PIP4K2A: variants seen among roughly 807,000 people sequenced by gnomAD.
PIP4K2A encodes the protein phosphatidylinositol 5-phosphate 4-kinase type-2 alpha.
In PIP4K2A, 14 loss-of-function variants were observed where a neutral mutation model predicts 42.9. That is an observed-to-expected ratio of 0.33 (90% CI 0.22 to 0.51). The LOEUF (loss-of-function observed/expected upper bound fraction) is 0.51, where lower values mean the gene tolerates loss of function less well. Among genes scored for constraint, PIP4K2A ranks in the 20% least tolerant of loss-of-function variants. The pLI, the probability that PIP4K2A is intolerant of heterozygous loss-of-function variation, is 0.97. For synonymous variants in PIP4K2A, 192 were observed against 192.2 expected (o/e 1.00, Z 0.01); for missense variants, 434 against 519.8 (o/e 0.83, Z 1.61).
intron 1 of PIP4K2A, among the ~76,000 whole-genome samples, chr10:22,619,097 G>C (rs1564445326): frequency 1.3e-5 from 2 of 151,806 alleles, no homozygotes; most frequent in Non-Finnish European, 1.5e-5. Flanking sequence ...TCACCAACTT[G>C]AGCACCAGCT....
intron 1 of PIP4K2A, among the ~76,000 whole-genome samples, chr10:22,673,809 C>G (rs771533695): frequency 6.6e-6 from 1 of 152,096 alleles, no homozygotes; most frequent in Non-Finnish European, 1.5e-5. Flanking sequence ...AAAAGGGATA[C>G]TATTTTTATT....
intron 4 of PIP4K2A, 75 bp from the exon 5 acceptor site, chr10:22,573,532 C>A: frequency 1.5e-6 from 2 of 1,296,186 alleles, no homozygotes; most frequent in Non-Finnish European, 2.1e-6. Context: ...AATACATACG[C>A]CTATGGTGTT....
chr10:22,625,014 A>G (rs762035614), intron 1 of PIP4K2A, among the ~76,000 whole-genome samples: 13 of 152,238 alleles, frequency 8.5e-5, no homozygotes, highest in South Asian at 2.1e-4. Flanking sequence ...TAAACTTCCA[A>G]TAAGTTTCAG....
At chr10:22,548,056 C>A (rs914438812) in intron 7 of PIP4K2A, among the ~76,000 whole-genome samples, 3 of 152,196 alleles carry the variant, frequency 2.0e-5, no homozygotes, top group Admixed American at 2.0e-4. Context: ...ATGGGTCAGT[C>A]AGCTAAATTA....
chr10:22,617,873 A>G (rs1289884883), intron 1 of PIP4K2A, among the ~76,000 whole-genome samples: 7 of 152,200 alleles, frequency 4.6e-5, no homozygotes, highest in African/African-American at 1.7e-4. Context: ...TTATCTCCCA[A>G]GATACATTTC....
intron 1 of PIP4K2A, among the ~76,000 whole-genome samples, chr10:22,679,712 T>C (rs1197033749): frequency 6.6e-6 from 1 of 152,130 alleles, no homozygotes; most frequent in African/African-American, 2.4e-5. Context: ...CACAATAGAA[T>C]ATGCCTTGAC....
chr10:22,570,210 T>C (rs994835427), intron 5 of PIP4K2A, among the ~76,000 whole-genome samples: 3 of 152,176 alleles, frequency 2.0e-5, no homozygotes, highest in African/African-American at 4.8e-5. Flanking sequence ...ACAATACATA[T>C]GTATCTTATT....
chr10:22,597,063 C>T (rs58919398), intron 3 of PIP4K2A, among the ~76,000 whole-genome samples: 226 of 152,352 alleles, frequency 1.5e-3, no homozygotes, highest in African/African-American at 5.0e-3. Context: ...ATATCAGTAA[C>T]AGCCACAGTG....
intron 1 of PIP4K2A, among the ~76,000 whole-genome samples, chr10:22,707,968 C>CA (rs1564473952): frequency 6.6e-6 from 1 of 151,452 alleles, no homozygotes; most frequent in Admixed American, 6.6e-5. Context: ...GTTCCTAGTA[C>CA]AAAAAAGAAA....
intron 1 of PIP4K2A, chr10:22,713,883 TGCGG>T (rs1033754540): frequency 8.6e-5 from 19 of 222,166 alleles, no homozygotes; most frequent in South Asian, 1.2e-4. Flanking sequence ...GGGACCGACC[TGCGG>T]GCGGGCGGGC....
At chr10:22,599,889 A>G (rs983736390) in intron 3 of PIP4K2A, among the ~76,000 whole-genome samples, 2 of 152,220 alleles carry the variant, frequency 1.3e-5, no homozygotes, top group African/African-American at 2.4e-5. Flanking sequence ...TTTTACATTT[A>G]TAACTGGAAA....
chr10:22,698,584 T>C (rs1482958312), intron 1 of PIP4K2A, among the ~76,000 whole-genome samples: 1 of 152,246 alleles, frequency 6.6e-6, no homozygotes, highest in Non-Finnish European at 1.5e-5. Flanking sequence ...TTAAACTATT[T>C]AGGTTGGTGC....
Position 22,609,734 on chromosome 10 carries a change from T to A in PIP4K2A, c.145-17A>T. ...TTCATTGATCTGGAAAAATATAAAA[T>A]AAATAGCATGGGTTATTACTATCCA... On this transcript the variant is annotated splice_polypyrimidine_tract_variant and intron_variant, in intron 1 of 9. Transcript: ENST00000376573. 3 of 1,454,296 alleles carry A rather than the reference T, an allele frequency of 2.1e-6. No homozygotes were observed. Among genetic ancestry groups the A allele is most frequent in the Non-Finnish European group, 2.9e-6 (3 of 1,039,790 alleles). The allele number at this position is 1,454,296 out of a possible 1,614,324, so 90.1% of individuals were successfully genotyped here.
At chr10:22,601,699 TCAC>T (rs1837784554) in intron 3 of PIP4K2A, among the ~76,000 whole-genome samples, 1 of 152,172 alleles carries the variant, frequency 6.6e-6, no homozygotes, top group African/African-American at 2.4e-5. Flanking sequence ...GTGCCAATCC[TCAC>T]CACAGCTGGA....
At chr10:22,671,026 T>C (rs1839438188) in intron 1 of PIP4K2A, among the ~76,000 whole-genome samples, 1 of 152,210 alleles carries the variant, frequency 6.6e-6, no homozygotes, top group Non-Finnish European at 1.5e-5. Flanking sequence ...ATGATGTAAA[T>C]GCCTTTCCCT....
intron 1 of PIP4K2A, among the ~76,000 whole-genome samples, chr10:22,698,617 A>AC (rs890407396): frequency 3.3e-5 from 5 of 152,258 alleles, no homozygotes; most frequent in African/African-American, 4.8e-5. Flanking sequence ...AGTTTTTGCC[A>AC]CTGAAAGTAA....
intron 7 of PIP4K2A, among the ~76,000 whole-genome samples, chr10:22,549,018 A>C (rs931312655): frequency 1.3e-5 from 2 of 152,170 alleles, no homozygotes; most frequent in African/African-American, 4.8e-5. Context: ...ATGCCACCCC[A>C]CTCTAGCCAA....
chr10:22,627,617 A>AAAAAAAAAAAAAAAAAAAAAAC (rs1838472702), intron 1 of PIP4K2A, among the ~76,000 whole-genome samples: 1 of 136,028 alleles, frequency 7.4e-6, no homozygotes, highest in Non-Finnish European at 1.6e-5. Context: ...AAAAAAAAAA[A>AAAAAAAAAAAAAAAAAAAAAAC]AAAAAAAAAA....
chr10:22,680,882 C>A (rs187621231), intron 1 of PIP4K2A, among the ~76,000 whole-genome samples: 1 of 152,170 alleles, frequency 6.6e-6, no homozygotes, highest in African/African-American at 2.4e-5. Context: ...TTGACCCCAA[C>A]AAGCCAGGTG....
Sources: allele counts gnomAD v4.1 joint callset (sites outside exome capture counted in the v4.1 genomes callset), GRCh38; gene constraint gnomAD v4.1.1; transcripts MANE v1.5; gene names NCBI Gene and HGNC (gene_info 2026-07-23, HGNC 2026-07-21).